The following JAK2 variants were observed in gnomAD, a reference collection of about 807,000 sequenced individuals.
JAK2 encodes tyrosine-protein kinase JAK2.
JAK2 carries 86 observed loss-of-function variants against 139.3 expected under a neutral mutation model. The ratio of observed to expected loss-of-function variants is 0.62; its 90% confidence interval spans 0.52 to 0.74. JAK2 has a LOEUF of 0.74. Ranked by LOEUF, JAK2 falls within the 30% of genes least tolerant of loss-of-function variation. The pLI is 0.00. For synonymous variants in JAK2, 490 were observed against 437.7 expected, an observed-to-expected ratio of 1.12 and a Z score of -1.49; for missense variants, 1,421 against 1,360.3, an observed-to-expected ratio of 1.04 and a Z score of -0.70.
chr9:4,986,208 G>A (rs1819940680), intron 2 of JAK2, among the ~76,000 whole-genome samples, 186 bp downstream of exon 2: 1 of 152,166 alleles, frequency 6.6e-6, no homozygotes, highest in Admixed American at 6.5e-5. Context: ...TTTGTTGTTC[G>A]TCTTGGATCC....
At chr9:5,029,668 A>T (rs953534735) in intron 3 of JAK2, 115 bp from the exon 4 acceptor site, 15 of 889,738 alleles carry the variant, frequency 1.7e-5, no homozygotes, top group Middle Eastern at 2.9e-4. Flanking sequence ...GACTGCTATT[A>T]CATTTTGTTC....
intron 2 of JAK2, among the ~76,000 whole-genome samples, chr9:5,018,773 T>C (rs1390591833): frequency 6.6e-6 from 1 of 152,242 alleles, no homozygotes; most frequent in Non-Finnish European, 1.5e-5. Context: ...AAGGATAATT[T>C]TGCTGGGTAT....
intron 22 of JAK2, chr9:5,109,272 A>C (rs528743449): frequency 6.6e-6 from 1 of 152,290 alleles, no homozygotes; most frequent in African/African-American, 2.4e-5. Context: ...AAATCCTAAA[A>C]TTATTATGGG....
intron 23 of JAK2, among the ~76,000 whole-genome samples, chr9:5,123,632 GAT>G (rs1823778027): frequency 6.6e-6 from 1 of 151,834 alleles, no homozygotes; most frequent in Non-Finnish European, 1.5e-5. Context: ...GTATCTTTTT[GAT>G]ACAGTGATTT....
At chr9:5,085,756 G>A in intron 19 of JAK2, 2 of 754,298 alleles carry the variant, frequency 2.7e-6, no homozygotes, top group Non-Finnish European at 5.0e-6. Context: ...TGGCTAGCTT[G>A]CACATGTCGG....
intron 4 of JAK2, among the ~76,000 whole-genome samples, chr9:5,043,425 G>A (rs1182524034): frequency 1.3e-5 from 2 of 152,156 alleles, no homozygotes; most frequent in African/African-American, 2.4e-5. Flanking sequence ...TACAAGGATG[G>A]CAAAAATCAG....
chr9:5,047,876 C>T (rs1211361401), intron 5 of JAK2, among the ~76,000 whole-genome samples: 3 of 152,104 alleles, frequency 2.0e-5, no homozygotes, highest in East Asian at 1.9e-4. Flanking sequence ...GCTGGGAGTA[C>T]GAGTGTGAGC....
chr9:5,028,525 T>C (rs1377181779), intron 3 of JAK2, among the ~76,000 whole-genome samples: 1 of 152,210 alleles, frequency 6.6e-6, no homozygotes, highest in Non-Finnish European at 1.5e-5. Flanking sequence ...AGTCATTCAG[T>C]TCTTTGAAAC....
chr9:5,047,465 G>T (rs762074930), intron 5 of JAK2, among the ~76,000 whole-genome samples: 108 of 152,246 alleles, frequency 7.1e-4, no homozygotes, highest in Non-Finnish European at 1.3e-3. Context: ...CAAATAAACT[G>T]CTGACATGTG....
chr9:5,106,530 C>T (rs1821967566), intron 22 of JAK2, among the ~76,000 whole-genome samples: 1 of 152,134 alleles, frequency 6.6e-6, no homozygotes, highest in Non-Finnish European at 1.5e-5. Context: ...TACCATTTGA[C>T]CCAGCCATCC....
At chr9:5,003,299 T>C (rs1302723393) in intron 2 of JAK2, among the ~76,000 whole-genome samples, 1 of 152,044 alleles carries the variant, frequency 6.6e-6, no homozygotes, top group African/African-American at 2.4e-5. Flanking sequence ...TAGATTAATT[T>C]GGAAAAGAAC....
chr9:5,116,558 TAAATAAAATTAGCTGGCAATCAAAA>T (rs1640477736), intron 22 of JAK2, among the ~76,000 whole-genome samples: 1 of 152,208 alleles, frequency 6.6e-6, no homozygotes, highest in African/African-American at 2.4e-5. Context: ...TTAAAGAGGT[TAAATAAAATTAGCTGGCAATCAAAA>T]AATATTAGTT....
intron 2 of JAK2, among the ~76,000 whole-genome samples, chr9:5,004,956 G>T: frequency 7.2e-6 from 1 of 139,656 alleles, no homozygotes; most frequent in South Asian, 2.3e-4. Context: ...TTGCTCTGTT[G>T]CCTAGGCTGA....
chr9:5,060,304 C>T (rs1818076991), intron 8 of JAK2, among the ~76,000 whole-genome samples: 1 of 152,112 alleles, frequency 6.6e-6, no homozygotes, highest in Non-Finnish European at 1.5e-5. Context: ...ATAACAATGA[C>T]ATTTACTGCA....
At chr9:5,103,553 G>C (rs1198324173) in intron 22 of JAK2, among the ~76,000 whole-genome samples, 1 of 152,118 alleles carries the variant, frequency 6.6e-6, no homozygotes, top group African/African-American at 2.4e-5. Context: ...CATGAACTCA[G>C]CTCTGCACCA....
chr9:5,006,715 C>G (rs1302838209), intron 2 of JAK2, among the ~76,000 whole-genome samples: 2 of 152,194 alleles, frequency 1.3e-5, no homozygotes, highest in South Asian at 2.1e-4. Flanking sequence ...ATGAGACTAG[C>G]AAAGCGTAAA....
chr9:5,099,013 A>G (rs920999696), intron 22 of JAK2: 7 of 152,110 alleles, frequency 4.6e-5, no homozygotes, highest in Non-Finnish European at 7.3e-5. Context: ...CAATTCTTAT[A>G]TAACCCCAAC....
intron 18 of JAK2, 122 bp from the exon 19 acceptor site, chr9:5,081,603 G>C (rs1819704888): frequency 1.6e-6 from 1 of 644,158 alleles, no homozygotes; most frequent in Non-Finnish European, 2.7e-6. Context: ...AACTATTTGA[G>C]TTTCCCTGTA....
intron 22 of JAK2, chr9:5,099,688 A>G (rs1821312142): frequency 6.6e-6 from 1 of 152,164 alleles, no homozygotes; most frequent in Non-Finnish European, 1.5e-5. Context: ...ATTATTTTCT[A>G]TTCAACGATG....
Sources: allele counts gnomAD v4.1 joint callset (sites outside exome capture counted in the v4.1 genomes callset), GRCh38; gene constraint gnomAD v4.1.1; transcripts MANE v1.5; gene names NCBI Gene and HGNC (gene_info 2026-07-23, HGNC 2026-07-21).